SH3BGRL2: variants seen among roughly 807,000 people sequenced by gnomAD.
SH3BGRL2 encodes the protein SH3 domain binding glutamate rich protein like 2.
In SH3BGRL2, 21 loss-of-function variants were observed where a neutral mutation model predicts 14.8. That is an observed-to-expected ratio of 1.42 (90% CI 1.01 to 2.05). The LOEUF is 2.05. SH3BGRL2 is among the 30% of genes most tolerant of loss of function. The probability of loss-of-function intolerance (pLI) is 0.00; values close to 1 mark genes in which losing one functional copy is unlikely to be tolerated. For missense variants in SH3BGRL2, 147 were observed against 130.8 expected, an observed-to-expected ratio of 1.12 and a Z score of -0.61; for synonymous variants, 50 against 47.8, an observed-to-expected ratio of 1.05 and a Z score of -0.19.
intron 2 of SH3BGRL2, among the ~76,000 whole-genome samples, chr6:79,686,856 A>T (rs1025458109): frequency 6.6e-6 from 1 of 152,142 alleles, no homozygotes; most frequent in African/African-American, 2.4e-5. Context: ...AGCATGAAGC[A>T]GACTGGAACT....
At chr6:79,613,621 T>A in the SH3BGRL2 span, among the ~76,000 whole-genome samples, 2 of 151,894 alleles carry the variant, frequency 1.3e-5, no homozygotes, top group African/African-American at 4.8e-5. Context: ...TTTTTTTTTC[T>A]TTTTTTTGAG....
chr6:79,677,279 A>G (rs1330586509), intron 2 of SH3BGRL2, among the ~76,000 whole-genome samples: 1 of 152,184 alleles, frequency 6.6e-6, no homozygotes, highest in Non-Finnish European at 1.5e-5. Flanking sequence ...TCCTGGAATT[A>G]GAAAATTATT....
the SH3BGRL2 span, among the ~76,000 whole-genome samples, chr6:79,576,199 A>C: frequency 6.6e-6 from 1 of 152,120 alleles, no homozygotes; most frequent in Admixed American, 6.5e-5. Context: ...TATTATAAAT[A>C]ATATCATTTT....
the SH3BGRL2 span, among the ~76,000 whole-genome samples, chr6:79,582,507 A>T: frequency 6.6e-6 from 1 of 152,212 alleles, no homozygotes; most frequent in South Asian, 2.1e-4. Context: ...CTAATCTTTG[A>T]CAAACCTGAC....
chr6:79,627,094 C>T (rs879320487), upstream of SH3BGRL2, among the ~76,000 whole-genome samples: 1 of 152,156 alleles, frequency 6.6e-6, no homozygotes, highest in Non-Finnish European at 1.5e-5. Context: ...GGGCCACAGA[C>T]TAGCTTCCTC....
At chr6:79,552,904 TC>T in the SH3BGRL2 span, 1 of 152,094 alleles carries the variant, frequency 6.6e-6, no homozygotes, top group African/African-American at 2.4e-5. Flanking sequence ...GTTAGATGGT[TC>T]TCATCATGCT....
chr6:79,650,751 A>G (rs1428909596), intron 1 of SH3BGRL2, among the ~76,000 whole-genome samples: 1 of 152,146 alleles, frequency 6.6e-6, no homozygotes, highest in Non-Finnish European at 1.5e-5. Context: ...CACTTCCAAC[A>G]TTGACAATCA....
At position 79,701,896 on chromosome 6, in the gene SH3BGRL2, G is replaced by A. The variant is rs1436902937; in HGVS notation, c.*2387G>A. ...ATCACAGTCTTAAAATACTAGGAAA[G>A]AAGTGGATGGGAATTGTAGGCATAG... On this transcript the variant is annotated 3_prime_UTR_variant, in exon 4 of 4. Coordinates refer to ENST00000369838, the MANE Select transcript of SH3BGRL2 (RefSeq NM_031469.4). The A allele has an allele frequency of 1.3e-5, 2 of 152,596 alleles. No homozygotes were observed. The highest frequency in any genetic ancestry group is 2.9e-5 in the Non-Finnish European group (2 of 68,036). 9.5% of individuals were successfully genotyped at this position (152,596 alleles called of 1,614,324 possible).
the SH3BGRL2 span, among the ~76,000 whole-genome samples, chr6:79,566,087 T>G: frequency 6.6e-6 from 1 of 151,978 alleles, no homozygotes; most frequent in Non-Finnish European, 1.5e-5. Flanking sequence ...GGATGGAGGG[T>G]AGAGGAGGGT....
At chr6:79,590,687 G>A in the SH3BGRL2 span, among the ~76,000 whole-genome samples, 1 of 151,652 alleles carries the variant, frequency 6.6e-6, no homozygotes, top group Non-Finnish European at 1.5e-5. Context: ...GGAGGGAGAG[G>A]GATGTGGAAT....
At chr6:79,660,469 T>G (rs1483890956) in intron 1 of SH3BGRL2, among the ~76,000 whole-genome samples, 1 of 152,198 alleles carries the variant, frequency 6.6e-6, no homozygotes, top group Admixed American at 6.5e-5. Context: ...TGAACCAGCC[T>G]TGCATCCCAG....
intron 1 of SH3BGRL2, among the ~76,000 whole-genome samples, chr6:79,637,340 A>C (rs1414583750): frequency 6.6e-6 from 1 of 152,214 alleles, no homozygotes; most frequent in East Asian, 1.9e-4. Flanking sequence ...TACTTTAAGC[A>C]TTTCAATCTA....
At chr6:79,636,779 T>A (rs952427706) in intron 1 of SH3BGRL2, among the ~76,000 whole-genome samples, 8 of 152,124 alleles carry the variant, frequency 5.3e-5, no homozygotes, top group African/African-American at 1.9e-4. Context: ...CATCTCTGCC[T>A]TCACATTCAT....
chr6:79,630,897 C>T (rs1460137022), upstream of SH3BGRL2, among the ~76,000 whole-genome samples: 2 of 152,184 alleles, frequency 1.3e-5, no homozygotes, highest in African/African-American at 4.8e-5. Context: ...CCGATCCCGC[C>T]TGCTTCAGGT....
the SH3BGRL2 span, among the ~76,000 whole-genome samples, chr6:79,611,404 C>CTTTTTTT: frequency 8.1e-6 from 1 of 123,690 alleles, no homozygotes; most frequent in Non-Finnish European, 1.7e-5. Flanking sequence ...CAGTATATAA[C>CTTTTTTT]TTTTTTTTTT....
intron 1 of SH3BGRL2, among the ~76,000 whole-genome samples, chr6:79,634,173 G>A (rs542152614): frequency 6.6e-6 from 1 of 152,280 alleles, no homozygotes; most frequent in South Asian, 2.1e-4. Flanking sequence ...AATCTATTTA[G>A]AGAAAATCAT....
At chr6:79,621,392 T>C in the SH3BGRL2 span, among the ~76,000 whole-genome samples, 6 of 152,226 alleles carry the variant, frequency 3.9e-5, no homozygotes, top group Non-Finnish European at 8.8e-5. Context: ...CCTGGAGAGC[T>C]ATCTAGCCCC....
chr6:79,697,315 C>G (rs938328313), intron 3 of SH3BGRL2, among the ~76,000 whole-genome samples: 6 of 152,058 alleles, frequency 3.9e-5, no homozygotes, highest in Non-Finnish European at 2.9e-5. Flanking sequence ...CCAGAGCTAA[C>G]CACATTGACA....
At position 79,673,696 on chromosome 6, in the gene SH3BGRL2, A is replaced by G; in HGVS notation, c.128A>G (p.Glu43Gly). ...EFEEVDITMS[E>G]EQRQWMYKNV... ...GAGGAGGTGGATATCACAATGTCAG[A>G]AGAACAGAGGCAATGGATGTACAAA... Residue 43 changes from glutamate (E) to glycine (G), a missense_variant, in exon 2 of 4, where the codon GAA becomes GGA. Coordinates refer to ENST00000369838, the MANE Select transcript of SH3BGRL2 (RefSeq NM_031469.4). 5 of 1,614,202 alleles carry G rather than the reference A, an allele frequency of 3.1e-6. No individual in the cohort carries two copies. Among genetic ancestry groups the G allele is most frequent in the Non-Finnish European group, 4.2e-6 (5 of 1,180,026 alleles).
Sources: allele counts gnomAD v4.1 joint callset (sites outside exome capture counted in the v4.1 genomes callset), GRCh38; gene constraint gnomAD v4.1.1; transcripts MANE v1.5; gene names NCBI Gene and HGNC (gene_info 2026-07-23, HGNC 2026-07-21).